The following ARHGAP27 variants were observed in gnomAD, a reference collection of about 807,000 sequenced individuals.
The protein encoded by ARHGAP27 is Rho GTPase activating protein 27, also known as rho GTPase-activating protein 27.
ARHGAP27 carries 53 observed loss-of-function variants against 102.0 expected under a neutral mutation model. The ratio of observed to expected loss-of-function variants is 0.52; its 90% CI spans 0.42 to 0.65. ARHGAP27 has a LOEUF of 0.65. Ranked by LOEUF, ARHGAP27 falls within the 30% of genes least tolerant of loss-of-function variation. The pLI is 0.00. For synonymous variants in ARHGAP27, 525 were observed against 542.8 expected (o/e 0.97, Z 0.46); for missense variants, 1,117 against 1,256.2 (o/e 0.89, Z 1.68).
chr17:45,428,404 C>A (rs2049807038), intron 4 of ARHGAP27, among the ~76,000 whole-genome samples: 1 of 152,230 alleles, frequency 6.6e-6, no homozygotes, highest in Admixed American at 6.5e-5. Flanking sequence ...GTGCTTACAC[C>A]AGAGGACGCT....
intron 4 of ARHGAP27, among the ~76,000 whole-genome samples, chr17:45,416,190 C>T (rs1284709121): frequency 2.6e-5 from 4 of 151,784 alleles, no homozygotes; most frequent in Non-Finnish European, 4.4e-5. Flanking sequence ...GGACTACAGG[C>T]GCACGCCACC....
intron 4 of ARHGAP27, among the ~76,000 whole-genome samples, chr17:45,415,005 G>A (rs1430800725): frequency 1.4e-5 from 2 of 147,232 alleles, no homozygotes; most frequent in Non-Finnish European, 3.0e-5. Context: ...AGAGGTTGCA[G>A]TGAGTAGAGA....
In ARHGAP27 at chr17:45,404,165, T is replaced by C; in HGVS notation, c.1480-69A>G. ...GGGGTGAGCTATGGGGAGTAGAGGC[T>C]GGTCACCTGCTCAGCTGCCACTCTC... is the stretch of plus-strand genomic sequence containing the variant. On this transcript the variant is annotated intron_variant, in intron 9 of 19. Coordinates refer to ENST00000685559, the MANE Select transcript of ARHGAP27 (RefSeq NM_001282290.2). 3 of 1,607,920 alleles carry C rather than the reference T, an allele frequency of 1.9e-6. No homozygotes were observed. In the East Asian group the frequency reaches 6.7e-5, roughly 36 times the overall value.
intron 4 of ARHGAP27, among the ~76,000 whole-genome samples, chr17:45,418,507 A>G (rs1223086130): frequency 6.6e-6 from 1 of 152,236 alleles, no homozygotes. Flanking sequence ...ATTATTTCTC[A>G]CCTGGAAACA....
At position 45,432,361 on chromosome 17, in the gene ARHGAP27, C is replaced by G. The variant is rs1447781402; in HGVS notation, c.-284-12G>C. On this transcript the variant is annotated splice_polypyrimidine_tract_variant and intron_variant, in intron 1 of 19. Transcript: ENST00000685559. ...TTCCTTCCCCGACCCTGGGGAAACGCAGAGAAGGGGAGGGATTGGGGAAGC... is the reference window on the plus strand; with the variant it reads ...TTCCTTCCCCGACCCTGGGGAAACGGAGAGAAGGGGAGGGATTGGGGAAGC... 1 of 153,706 alleles carries G rather than the reference C, an allele frequency of 6.5e-6. No individual in the cohort carries two copies. Among genetic ancestry groups the G allele is most frequent in the East Asian group, 1.9e-4 (1 of 5,184 alleles). 9.5% of individuals were successfully genotyped at this position (153,706 alleles called of 1,614,324 possible). A position where few individuals can be genotyped will look rare whatever the true frequency, so the allele number is the denominator to read the frequency against.
At chr17:45,405,331 C>G (rs1454861059) in intron 5 of ARHGAP27, among the ~76,000 whole-genome samples, 4 of 151,996 alleles carry the variant, frequency 2.6e-5, no homozygotes, top group Non-Finnish European at 5.9e-5. Flanking sequence ...CAGCCCTGCC[C>G]CTCACCTTCT....
intron 13 of ARHGAP27, chr17:45,397,641 TC>T (rs2045909582): frequency 2.8e-6 from 1 of 351,466 alleles, no homozygotes; most frequent in African/African-American, 2.1e-5. Context: ...TCTGCTAGTT[TC>T]AGCCTGCCAT....
At chr17:45,424,692 TAA>T (rs2049380964) in intron 4 of ARHGAP27, among the ~76,000 whole-genome samples, 1 of 150,538 alleles carries the variant, frequency 6.6e-6, no homozygotes, top group Non-Finnish European at 1.5e-5. Context: ...GGGTGAGGGA[TAA>T]AAGACTACAC....
At chr17:45,413,398 C>T (rs867392618) in intron 4 of ARHGAP27, among the ~76,000 whole-genome samples, 38 of 152,170 alleles carry the variant, frequency 2.5e-4, no homozygotes, top group East Asian at 1.9e-4. Context: ...AGAGTGGAGC[C>T]GGAGACCAGA....
In ARHGAP27 at chr17:45,398,044, G is replaced by A. The variant is rs368752990; in HGVS notation, c.1747C>T (p.Arg583Trp). ...KSSRKNVLEL[R>W]SRDGSEYLIQ... ...AGGTACTCAGAGCCATCTCGGCTCC[G>A]TAGCTGGAGGGACACAAGTCAGTGG... The change falls in exon 13 of 20, where the codon CGG becomes TGG. Residue 583 changes from arginine to tryptophan, a missense_variant. Around this residue, in one of 3 missense-constraint regions of ARHGAP27, gnomAD observed 493 missense variants for 505.5 expected, o/e 0.98. Transcript: ENST00000685559. The A allele has an allele frequency of 3.7e-5, 59 of 1,600,932 alleles. No homozygotes were observed. Among genetic ancestry groups the A allele is most frequent in the African/African-American group, 5.3e-5 (4 of 74,792 alleles).
chr17:45,396,429 G>T, intron 16 of ARHGAP27, 58 bp downstream of exon 16: 1 of 1,478,486 alleles, frequency 6.8e-7, no homozygotes. Flanking sequence ...CTGCGGTCCT[G>T]GCAGGAGGCC....
intron 12 of ARHGAP27, among the ~76,000 whole-genome samples, chr17:45,402,375 C>A (rs1338855580): frequency 6.6e-6 from 1 of 152,184 alleles, no homozygotes; most frequent in Non-Finnish European, 1.5e-5. Context: ...GAGGGAACTG[C>A]AGAATATGTG....
chr17:45,405,371 G>T (rs1437182412), intron 5 of ARHGAP27, among the ~76,000 whole-genome samples: 1 of 151,914 alleles, frequency 6.6e-6, no homozygotes, highest in Non-Finnish European at 1.5e-5. Flanking sequence ...ACAGGAGGCG[G>T]GGTCAGAAGC....
intron 4 of ARHGAP27, among the ~76,000 whole-genome samples, chr17:45,421,495 T>G (rs766989254): frequency 6.6e-6 from 1 of 151,504 alleles, no homozygotes; most frequent in Non-Finnish European, 1.5e-5. Context: ...AAATAAAAAA[T>G]AAAGAAACAA....
At chr17:45,397,921 G>T in intron 13 of ARHGAP27, 28 bp downstream of exon 13, 1 of 1,573,260 alleles carries the variant, frequency 6.4e-7, no homozygotes. Flanking sequence ...CCTCCCCACT[G>T]CCCCTAGAGG....
chr17:45,395,420 A>T lies in ARHGAP27; in HGVS notation c.*36T>A. ...GCCTCCGCCGCCCAGCTTGTGTGGC[A>T]GGACCGCGGCCGCCGCCCCAGTCAC... On this transcript the variant is annotated 3_prime_UTR_variant, in exon 20 of 20. Transcript: ENST00000685559. 2 of 1,531,694 alleles carry T rather than the reference A, an allele frequency of 1.3e-6. No individual in the cohort carries two copies. The highest frequency in any genetic ancestry group is 2.5e-5 in the East Asian group (1 of 40,738). The allele number at this position is 1,531,694 out of a possible 1,614,324, so 94.9% of individuals were successfully genotyped here.
chr17:45,406,147 C>T (rs948922271), intron 4 of ARHGAP27, 64 bp from the exon 5 acceptor site: 47 of 1,423,466 alleles, frequency 3.3e-5, no homozygotes, highest in Non-Finnish European at 4.0e-5. Flanking sequence ...AACAGAGGTC[C>T]CCTCTGGGCA....
At chr17:45,429,272 A>G in intron 4 of ARHGAP27, 1 of 656,390 alleles carries the variant, frequency 1.5e-6, no homozygotes, top group Non-Finnish European at 2.3e-6. Flanking sequence ...GCAGCCGACC[A>G]TCGAGCTCAT....
At position 45,430,106 on chromosome 17, in the gene ARHGAP27, G is replaced by A. The variant is rs1397729146; in HGVS notation, c.174C>T (p.Tyr58=). Residue 58 remains tyrosine, a synonymous_variant, in exon 4 of 20, where the codon TAC becomes TAT. Transcript: ENST00000685559. This position sits in a 1 kb window ranked among gnomAD's most constrained non-coding sequence, Gnocchi z 4.4. ...VRREPGGRPF[Y]LPAQYVRELP... is the part of the protein sequence containing the mutation. ...GCTCGCGCACGTACTGCGCAGGCAGGTAGAAGGGGCGGCCGCCGGGCTCAC... is the reference window on the plus strand; with the variant it reads ...GCTCGCGCACGTACTGCGCAGGCAGATAGAAGGGGCGGCCGCCGGGCTCAC... 1.3e-6 allele frequency: 2 copies of A among 1,516,130 alleles called. No individual in the cohort carries two copies. The highest frequency in any genetic ancestry group is 8.8e-7 in the Non-Finnish European group (1 of 1,139,068). The allele number at this position is 1,516,130 out of a possible 1,614,324, so 93.9% of individuals were successfully genotyped here. A position where few individuals can be genotyped will look rare whatever the true frequency, so the allele number is the denominator to read the frequency against.
Sources: gnomAD v4.1 joint callset for allele counts (sites outside exome capture counted in the v4.1 genomes callset) on GRCh38, gnomAD v4.1.1 for gene constraint, gnomAD v4.1.1 regional missense constraint, Gnocchi (gnomAD v3.1) non-coding constraint, MANE v1.5 for transcripts, NCBI Gene and HGNC (gene_info 2026-07-23, HGNC 2026-07-21) for gene names.